The following MDGA2 variants were observed in gnomAD, a reference collection of about 807,000 sequenced individuals.
MDGA2 encodes the protein MAM domain containing glycosylphosphatidylinositol anchor 2.
Under a neutral mutation model 117.8 loss-of-function variants are expected in MDGA2, and 40 were observed. The observed-to-expected ratio is 0.34, with a 90% CI of 0.26 to 0.44. MDGA2 has a LOEUF of 0.44. MDGA2 is among the 20% of genes least tolerant of loss of function. The pLI is 1.00. For synonymous variants in MDGA2, 452 were observed against 439.0 expected (o/e 1.03, Z -0.37); for missense variants, 1,123 against 1,250.6 (o/e 0.90, Z 1.54).
chr14:47,402,781 AAC>A (rs374721868), intron 1 of MDGA2, among the ~76,000 whole-genome samples: 19 of 151,858 alleles, frequency 1.3e-4, no homozygotes, highest in South Asian at 2.1e-4. Flanking sequence ...GGAACACACA[AAC>A]ACACACACAC....
intron 2 of MDGA2, among the ~76,000 whole-genome samples, chr14:47,231,575 C>A (rs1286566179): frequency 6.6e-6 from 1 of 151,988 alleles, no homozygotes; most frequent in Non-Finnish European, 1.5e-5. Context: ...TTTACTCAGC[C>A]ATTGTAAAGT....
intron 7 of MDGA2, chr14:47,058,868 G>A (rs1889777199): frequency 1.0e-6 from 1 of 985,218 alleles, no homozygotes; most frequent in Non-Finnish European, 1.2e-6. Context: ...CATCCGTGTA[G>A]CCACACTTAG....
At chr14:47,516,564 T>A (rs1312198091) in intron 1 of MDGA2, among the ~76,000 whole-genome samples, 1 of 152,178 alleles carries the variant, frequency 6.6e-6, no homozygotes, top group Non-Finnish European at 1.5e-5. Context: ...AAGAAGATAT[T>A]TGTTGGGTTT....
intron 2 of MDGA2, among the ~76,000 whole-genome samples, chr14:47,264,669 A>G (rs1887906299): frequency 6.6e-6 from 1 of 151,694 alleles, no homozygotes; most frequent in African/African-American, 2.4e-5. Context: ...AAATTTTATG[A>G]TTTTATTTTT....
At chr14:46,886,513 T>G (rs1186166563) in intron 10 of MDGA2, among the ~76,000 whole-genome samples, 2 of 152,066 alleles carry the variant, frequency 1.3e-5, no homozygotes, top group African/African-American at 4.8e-5. Flanking sequence ...TTGAAGATAC[T>G]GTTTAAATAG....
intron 1 of MDGA2, among the ~76,000 whole-genome samples, chr14:47,587,262 G>GA (rs1425668564): frequency 6.6e-6 from 1 of 151,550 alleles, no homozygotes; most frequent in African/African-American, 2.4e-5. Context: ...GTTTACCTAC[G>GA]AAACAACCTG....
At chr14:47,524,686 T>C (rs563240044) in intron 1 of MDGA2, among the ~76,000 whole-genome samples, 1 of 152,322 alleles carries the variant, frequency 6.6e-6, no homozygotes, top group South Asian at 2.1e-4. Context: ...AGTTACATTA[T>C]AGTGACCTGA....
intron 1 of MDGA2, among the ~76,000 whole-genome samples, chr14:47,643,927 T>C (rs996328562): frequency 2.0e-5 from 3 of 152,156 alleles, no homozygotes; most frequent in Non-Finnish European, 2.9e-5. Flanking sequence ...GCACTCTCCT[T>C]GTTCAGTATA....
chr14:47,623,212 A>G (rs140059466), intron 1 of MDGA2, among the ~76,000 whole-genome samples: 215 of 152,182 alleles, frequency 1.4e-3, no homozygotes, highest in African/African-American at 4.9e-3. Flanking sequence ...CCCTTCCACC[A>G]TGGGATGATG....
At chr14:46,964,457 T>A (rs1885935790) in intron 8 of MDGA2, among the ~76,000 whole-genome samples, 1 of 152,064 alleles carries the variant, frequency 6.6e-6, no homozygotes, top group Non-Finnish European at 1.5e-5. Context: ...AAGGCATAGT[T>A]TAAGGGACAG....
At chr14:47,370,765 T>C (rs1444708646) in intron 1 of MDGA2, among the ~76,000 whole-genome samples, 1 of 151,588 alleles carries the variant, frequency 6.6e-6, no homozygotes, top group East Asian at 1.9e-4. Flanking sequence ...ATAATACAAA[T>C]CATACACTTG....
At chr14:47,314,499 A>C (rs1889744974) in intron 1 of MDGA2, among the ~76,000 whole-genome samples, 2 of 152,206 alleles carry the variant, frequency 1.3e-5, no homozygotes, top group African/African-American at 2.4e-5. Flanking sequence ...ACAATATAGC[A>C]GGACCTTATC....
intron 1 of MDGA2, among the ~76,000 whole-genome samples, chr14:47,476,047 A>G (rs1893829273): frequency 6.6e-6 from 1 of 152,230 alleles, no homozygotes; most frequent in East Asian, 1.9e-4. Context: ...ACTTAAAGTA[A>G]AAAAAATCAA....
chr14:47,283,493 T>G (rs1330297581), intron 2 of MDGA2, among the ~76,000 whole-genome samples: 1 of 152,228 alleles, frequency 6.6e-6, no homozygotes, highest in African/African-American at 2.4e-5. Flanking sequence ...ACTTCATGCA[T>G]CTACAGTGCA....
intron 3 of MDGA2, among the ~76,000 whole-genome samples, chr14:47,191,772 C>T: frequency 6.6e-6 from 1 of 152,086 alleles, no homozygotes; most frequent in East Asian, 1.9e-4. Flanking sequence ...TCCTGATGTA[C>T]CGCAGTCAGA....
chr14:47,361,805 A>G (rs931572345), intron 1 of MDGA2, among the ~76,000 whole-genome samples: 10 of 152,268 alleles, frequency 6.6e-5, no homozygotes, highest in East Asian at 3.9e-4. Flanking sequence ...AGTTTATGAG[A>G]AAGTTTTCAC....
chr14:47,551,244 G>T (rs1476438759), intron 1 of MDGA2, among the ~76,000 whole-genome samples: 3 of 152,098 alleles, frequency 2.0e-5, no homozygotes, highest in Admixed American at 6.6e-5. Flanking sequence ...TGCTTAGGTA[G>T]GTGGTTTTCC....
intron 1 of MDGA2, among the ~76,000 whole-genome samples, chr14:47,301,893 C>A (rs1357802154): frequency 6.6e-6 from 1 of 151,838 alleles, no homozygotes; most frequent in Non-Finnish European, 1.5e-5. Context: ...GAATATTGCA[C>A]CAAAAATATG....
At chr14:46,853,613 A>T (rs1178470840) in intron 15 of MDGA2, among the ~76,000 whole-genome samples, 3 of 151,202 alleles carry the variant, frequency 2.0e-5, no homozygotes, top group Admixed American at 1.3e-4. Flanking sequence ...ACAATATCTG[A>T]AAAGTTCTAA....
Sources: allele counts gnomAD v4.1 joint callset (sites outside exome capture counted in the v4.1 genomes callset), GRCh38; gene constraint gnomAD v4.1.1; transcripts MANE v1.5; gene names NCBI Gene and HGNC (gene_info 2026-07-23, HGNC 2026-07-21).